Variants in PGBD2 observed in about 807,000 individuals in gnomAD.
The protein encoded by PGBD2 is piggyBac transposable element derived 2, also known as piggyBac transposable element-derived protein 2.
PGBD2 carries 6 observed loss-of-function variants against 8.1 expected under a neutral mutation model. The ratio of observed to expected loss-of-function variants is 0.74; its 90% confidence interval spans 0.40 to 1.46. PGBD2 has a LOEUF of 1.46. Ranked by LOEUF, PGBD2 falls within the 40% of genes most tolerant of loss-of-function variation. The probability of loss-of-function intolerance (pLI) is 0.02; values close to 1 mark genes in which losing one functional copy is unlikely to be tolerated. For synonymous variants in PGBD2, 318 were observed against 272.2 expected (o/e 1.17, Z -1.66); for missense variants, 802 against 739.0 (o/e 1.09, Z -0.99).
chr1:248,909,531 T>C (rs940905553), intron 1 of PGBD2, among the ~76,000 whole-genome samples: 1 of 152,184 alleles, frequency 6.6e-6, no homozygotes, highest in Non-Finnish European at 1.5e-5. Flanking sequence ...GCCATTTGGC[T>C]CTGTGGCATG....
chr1:248,893,607 CAT>C, the PGBD2 span, among the ~76,000 whole-genome samples: 5 of 152,210 alleles, frequency 3.3e-5, no homozygotes, highest in African/African-American at 9.6e-5. Flanking sequence ...TGTGTATACA[CAT>C]GTGCATTTTC....
downstream of PGBD2, among the ~76,000 whole-genome samples, chr1:248,921,027 A>C (rs1572284537): frequency 6.7e-6 from 1 of 150,366 alleles, no homozygotes; most frequent in East Asian, 1.9e-4. Flanking sequence ...TTCTTTGTAG[A>C]TTCTGGATAT....
intron 2 of PGBD2, among the ~76,000 whole-genome samples, chr1:248,914,213 C>T (rs1662012252): frequency 6.6e-6 from 1 of 152,184 alleles, no homozygotes; most frequent in Admixed American, 6.5e-5. Context: ...GGGGTTTGAA[C>T]AGTCATGTGC....
At chr1:248,913,782 A>G (rs1024245797) in intron 1 of PGBD2, 34 bp from the exon 2 acceptor site, 2 of 1,136,756 alleles carry the variant, frequency 1.8e-6, no homozygotes, top group South Asian at 1.3e-5. Context: ...TTAAGATACA[A>G]TTTTTTTTTA....
chr1:248,901,067 A>G, the PGBD2 span, among the ~76,000 whole-genome samples: 1 of 152,224 alleles, frequency 6.6e-6, no homozygotes, highest in African/African-American at 2.4e-5. Context: ...GAGAGCTACA[A>G]ACCACTGCTC....
chr1:248,887,001 T>C, the PGBD2 span, among the ~76,000 whole-genome samples: 1 of 152,208 alleles, frequency 6.6e-6, no homozygotes, highest in Non-Finnish European at 1.5e-5. Flanking sequence ...TTACAGGATA[T>C]ATAATATTTA....
chr1:248,914,941 A>G (rs4926502), intron 2 of PGBD2, among the ~76,000 whole-genome samples: 150,203 of 152,292 alleles, frequency 0.99, 74,082 homozygotes, highest in East Asian at 1. Flanking sequence ...CAGTGTCAGG[A>G]CTGTGTGCCT....
chr1:248,911,773 C>G (rs537508176), intron 1 of PGBD2, among the ~76,000 whole-genome samples: 5 of 151,582 alleles, frequency 3.3e-5, no homozygotes, highest in Non-Finnish European at 7.4e-5. Flanking sequence ...CCCTCCCGGA[C>G]GGGGTGGCTG....
intron 2 of PGBD2, among the ~76,000 whole-genome samples, chr1:248,916,396 C>A (rs1030330058): frequency 6.6e-6 from 1 of 151,956 alleles, no homozygotes; most frequent in East Asian, 1.9e-4. Flanking sequence ...GAGCATGACT[C>A]CGTCTAAAAA....
chr1:248,914,054 T>C (rs552398769), intron 2 of PGBD2, among the ~76,000 whole-genome samples, 175 bp downstream of exon 2: 8 of 152,322 alleles, frequency 5.3e-5, no homozygotes, highest in African/African-American at 1.9e-4. Context: ...GGGAAAAGGC[T>C]GACAGTTGCA....
the PGBD2 span, among the ~76,000 whole-genome samples, chr1:248,884,855 G>A: frequency 6.6e-6 from 1 of 152,206 alleles, no homozygotes; most frequent in African/African-American, 2.4e-5. Flanking sequence ...CTGCAGGTGT[G>A]CCTTAAGTCA....
the PGBD2 span, among the ~76,000 whole-genome samples, chr1:248,874,971 G>C: frequency 6.7e-6 from 1 of 148,770 alleles, no homozygotes; most frequent in African/African-American, 2.6e-5. Context: ...AATAGATAGA[G>C]ATAGGTATAC....
downstream of PGBD2, among the ~76,000 whole-genome samples, chr1:248,924,726 G>GA (rs1662350418): frequency 6.6e-6 from 1 of 152,188 alleles, no homozygotes. Context: ...CTTTAACTGA[G>GA]AAAACTGGTT....
the PGBD2 span, among the ~76,000 whole-genome samples, chr1:248,879,447 T>A: frequency 6.6e-6 from 1 of 152,328 alleles, no homozygotes; most frequent in African/African-American, 2.4e-5. Context: ...CAGCCTTGAG[T>A]GTAGTGGCGT....
chr1:248,927,698 T>C, the PGBD2 span, among the ~76,000 whole-genome samples: 1 of 152,154 alleles, frequency 6.6e-6, no homozygotes, highest in South Asian at 2.1e-4. Context: ...AAGCTCAGGT[T>C]TATGATGTGT....
At chr1:248,923,546 TC>T (rs1662328081), downstream of PGBD2, among the ~76,000 whole-genome samples, 1 of 152,178 alleles carries the variant, frequency 6.6e-6, no homozygotes, top group African/African-American at 2.4e-5. Flanking sequence ...GCCTCTCAGT[TC>T]CCAGCGAGCT....
chr1:248,907,030 G>A (rs564114287), intron 1 of PGBD2, among the ~76,000 whole-genome samples: 107 of 152,146 alleles, frequency 7.0e-4, no homozygotes, highest in Non-Finnish European at 1.3e-3. Flanking sequence ...TGGGCCCAGG[G>A]GACCGGCACT....
chr1:248,920,773 G>T (rs371034180), downstream of PGBD2, among the ~76,000 whole-genome samples: 1 of 152,130 alleles, frequency 6.6e-6, no homozygotes, highest in Non-Finnish European at 1.5e-5. Context: ...GTGTAAAAGC[G>T]TCCCTATTTC....
At chr1:248,885,206 C>T in the PGBD2 span, among the ~76,000 whole-genome samples, 1 of 152,044 alleles carries the variant, frequency 6.6e-6, no homozygotes, top group Admixed American at 6.6e-5. Flanking sequence ...ATAATCATAG[C>T]TCACTGTAAC....
Sources: gnomAD v4.1 joint callset for allele counts (sites outside exome capture counted in the v4.1 genomes callset) on GRCh38, gnomAD v4.1.1 for gene constraint, MANE v1.5 for transcripts, NCBI Gene and HGNC (gene_info 2026-07-23, HGNC 2026-07-21) for gene names.